The following NPAS3 variants were observed in gnomAD, a reference collection of about 807,000 sequenced individuals.
The protein encoded by NPAS3 is neuronal PAS domain protein 3.
Under a neutral mutation model 73.1 loss-of-function variants are expected in NPAS3, and 14 were observed. The observed-to-expected ratio is 0.19, with a 90% CI of 0.13 to 0.30. NPAS3 has a LOEUF of 0.30. NPAS3 is among the 10% of genes least tolerant of loss of function. The pLI, the probability that NPAS3 is intolerant of heterozygous loss-of-function variation, is 1.00. For synonymous variants in NPAS3, 620 were observed against 541.5 expected (o/e 1.14, Z -2.01); for missense variants, 1,096 against 1,250.0 (o/e 0.88, Z 1.86).
At chr14:33,536,796 A>G (rs1306279813) in intron 4 of NPAS3, among the ~76,000 whole-genome samples, 1 of 152,210 alleles carries the variant, frequency 6.6e-6, no homozygotes, top group Admixed American at 6.5e-5. Context: ...TATGTTTACC[A>G]ATAAAATTAT....
intron 1 of NPAS3, among the ~76,000 whole-genome samples, chr14:33,031,571 T>C (rs999191327): frequency 1.3e-5 from 2 of 152,168 alleles, no homozygotes; most frequent in South Asian, 2.1e-4. Context: ...TGGTTCACGG[T>C]AGCTTCCACC....
intron 3 of NPAS3, among the ~76,000 whole-genome samples, chr14:33,336,122 C>A (rs1027947178): frequency 2.0e-5 from 3 of 152,190 alleles, no homozygotes; most frequent in African/African-American, 7.2e-5. Context: ...TTCATGTGTA[C>A]TGTTATCTCA....
At position 33,197,573 on chromosome 14, in the gene NPAS3, G is replaced by T. The variant is rs77570452; in HGVS notation, c.141-17609G>T. ...ATGCTCCTGTAATGGAAGCAAAAAT[G>T]AAAAGCCACATTTAAAAAATAAAGG... On this transcript the variant is annotated intron_variant, in intron 2 of 11. Coordinates refer to ENST00000356141, the Ensembl canonical transcript of NPAS3. 5.0e-3 allele frequency among the ~76,000 whole-genome samples: 755 copies of T among 151,810 alleles called. 4 individuals are homozygous for T. The highest frequency in any genetic ancestry group is 0.017 in the African/African-American group (704 of 41,420).
At chr14:33,794,227 G>T (rs1345515280) in intron 10 of NPAS3, among the ~76,000 whole-genome samples, 183 bp downstream of exon 10, 1 of 152,194 alleles carries the variant, frequency 6.6e-6, no homozygotes, top group Non-Finnish European at 1.5e-5. Flanking sequence ...ATCAAACTAT[G>T]TTGGAAGGGA....
chr14:33,534,085 G>A (rs1264965717), intron 4 of NPAS3, among the ~76,000 whole-genome samples: 1 of 151,996 alleles, frequency 6.6e-6, no homozygotes, highest in Non-Finnish European at 1.5e-5. Flanking sequence ...TTTATTCAGT[G>A]TCATAATCTA....
At chr14:33,619,637 G>C (rs1331890196) in intron 5 of NPAS3, among the ~76,000 whole-genome samples, 2 of 152,186 alleles carry the variant, frequency 1.3e-5, no homozygotes, top group Non-Finnish European at 2.9e-5. Flanking sequence ...CACACCAGCA[G>C]GGACATTATG....
At chr14:32,999,549 AG>A (rs1437228530) in intron 1 of NPAS3, among the ~76,000 whole-genome samples, 2 of 152,112 alleles carry the variant, frequency 1.3e-5, no homozygotes, top group African/African-American at 4.8e-5. Flanking sequence ...TGTCTAACAC[AG>A]TTGCATTTTC....
chr14:33,793,767 C>A, intron 9 of NPAS3, 130 bp from the exon 10 acceptor site: 1 of 737,816 alleles, frequency 1.4e-6, no homozygotes, highest in Non-Finnish European at 2.1e-6. Context: ...ATTAAGCATA[C>A]AGAGGGTCAC....
chr14:33,498,931 AGAGAGTGTGT>A (rs1478921729), intron 4 of NPAS3, among the ~76,000 whole-genome samples: 5,645 of 119,260 alleles, frequency 0.047, 159 homozygotes, highest in African/African-American at 0.072. Context: ...AGAGACAGAG[AGAGAGTGTGT>A]GTGTGTGTGT....
chr14:33,553,644 G>A (rs1244843481), intron 4 of NPAS3, among the ~76,000 whole-genome samples: 1 of 152,176 alleles, frequency 6.6e-6, no homozygotes, highest in Non-Finnish European at 1.5e-5. Context: ...GCAAAGGAAG[G>A]AACAGAAAGC....
chr14:33,115,698 A>T (rs1054148861), intron 2 of NPAS3, among the ~76,000 whole-genome samples: 1 of 152,118 alleles, frequency 6.6e-6, no homozygotes, highest in Non-Finnish European at 1.5e-5. Flanking sequence ...TTTCTATAAG[A>T]TGGTCATCAC....
Position 33,343,823 on chromosome 14 carries a change from T to C in NPAS3, c.386-23363T>C, listed in dbSNP as rs557131940. Reference sequence around the variant, plus strand: ...TTTGTAGGTAGGCAGCCCTAGGCAGTGCAGCAGCTCAGCAAGGTCAGCCAG... The same window carrying C: ...TTTGTAGGTAGGCAGCCCTAGGCAGCGCAGCAGCTCAGCAAGGTCAGCCAG... On this transcript the variant is annotated intron_variant, in intron 3 of 11. Transcript: ENST00000356141. Among the ~76,000 whole-genome samples the C allele has an allele frequency of 4.9e-4, 74 of 152,328 alleles. 1 individual carries two copies. Among genetic ancestry groups the C allele is most frequent in the South Asian group, 1.2e-3 (6 of 4,828 alleles).
At chr14:33,287,358 T>C (rs1030612726) in intron 3 of NPAS3, among the ~76,000 whole-genome samples, 3 of 152,144 alleles carry the variant, frequency 2.0e-5, no homozygotes, top group African/African-American at 7.2e-5. Flanking sequence ...TCTACAGACT[T>C]TTCTGTGATT....
chr14:32,939,659 GAGAAAA>G (rs2035892718), intron 1 of NPAS3, among the ~76,000 whole-genome samples: 1 of 148,428 alleles, frequency 6.7e-6, no homozygotes, highest in Admixed American at 6.7e-5. Context: ...AAACAGAAAA[GAGAAAA>G]AGAAAAAGAA....
At chr14:33,719,239 G>A (rs974462824) in intron 6 of NPAS3, among the ~76,000 whole-genome samples, 6 of 152,176 alleles carry the variant, frequency 3.9e-5, no homozygotes, top group South Asian at 2.1e-4. Context: ...ATCCTGTCCA[G>A]TGGTACCCCT....
At chr14:32,973,453 A>G (rs983383721) in intron 1 of NPAS3, among the ~76,000 whole-genome samples, 1 of 152,118 alleles carries the variant, frequency 6.6e-6, no homozygotes, top group Admixed American at 6.5e-5. Context: ...TCATCTAAAA[A>G]TGTACTTTCA....
chr14:33,457,153 A>G (rs1331363376), intron 4 of NPAS3, among the ~76,000 whole-genome samples: 2 of 152,216 alleles, frequency 1.3e-5, no homozygotes, highest in African/African-American at 4.8e-5. Flanking sequence ...TCACACCACA[A>G]TGCCCAGTTG....
At chr14:33,784,752 T>TTTTA (rs2063111204) in intron 9 of NPAS3, among the ~76,000 whole-genome samples, 1 of 112,686 alleles carries the variant, frequency 8.9e-6, no homozygotes, top group Non-Finnish European at 1.8e-5. Context: ...TTTATTTTTT[T>TTTTA]TTTTTTTTTT....
intron 3 of NPAS3, among the ~76,000 whole-genome samples, chr14:33,248,558 A>G (rs988931319): frequency 1.3e-5 from 2 of 152,194 alleles, no homozygotes; most frequent in African/African-American, 4.8e-5. Flanking sequence ...TTCTTGCTAT[A>G]TCTAGCTGGA....
Sources: gnomAD v4.1 joint callset for allele counts (sites outside exome capture counted in the v4.1 genomes callset) on GRCh38, gnomAD v4.1.1 for gene constraint, MANE v1.5 for transcripts, NCBI Gene and HGNC (gene_info 2026-07-23, HGNC 2026-07-21) for gene names.